Variants in NRXN3 observed in about 807,000 individuals in gnomAD.
NRXN3 encodes neurexin III.
Under a neutral mutation model 137.6 loss-of-function variants are expected in NRXN3, and 32 were observed. The ratio of observed to expected loss-of-function variants is 0.23; its 90% CI spans 0.18 to 0.31. NRXN3 has a LOEUF of 0.31. NRXN3 is among the 10% of genes least tolerant of loss of function. The probability of loss-of-function intolerance (pLI) is 1.00; values close to 1 mark genes in which losing one functional copy is unlikely to be tolerated. For synonymous variants in NRXN3, 798 were observed against 784.5 expected, an observed-to-expected ratio of 1.02 and a Z score of -0.29; for missense variants, 1,574 against 2,062.5, an observed-to-expected ratio of 0.76 and a Z score of 4.59.
chr14:78,841,530 A>T (rs1425537639), intron 10 of NRXN3, among the ~76,000 whole-genome samples: 1 of 152,000 alleles, frequency 6.6e-6, no homozygotes, highest in Non-Finnish European at 1.5e-5. Context: ...AAACTCAGAT[A>T]CTTTTCTCAA....
At chr14:78,910,887 G>A (rs1218374375) in intron 10 of NRXN3, among the ~76,000 whole-genome samples, 1 of 152,090 alleles carries the variant, frequency 6.6e-6, no homozygotes, top group Non-Finnish European at 1.5e-5. Context: ...CAGATGTTCA[G>A]ATGACTTTTT....
intron 10 of NRXN3, among the ~76,000 whole-genome samples, chr14:78,949,795 T>A (rs116067972): frequency 0.015 from 2,341 of 152,236 alleles, 66 homozygotes; most frequent in African/African-American, 0.054. Flanking sequence ...GATTCCTATT[T>A]AAAGCAAAAT....
intron 15 of NRXN3, among the ~76,000 whole-genome samples, chr14:79,274,905 A>G (rs2153431838): frequency 6.6e-6 from 1 of 152,360 alleles, no homozygotes; most frequent in South Asian, 2.1e-4. Context: ...GAAGCAGTAT[A>G]TACATTCTCT....
At position 79,094,979 on chromosome 14, in the gene NRXN3, A is replaced by AGAGAGAGAGTGTGTGTGTGT. The variant is rs553957969; in HGVS notation, c.3262+106839_3262+106840insAGAGAGAGTGTGTGTGTGTG. Among the ~76,000 whole-genome samples, 6 of 115,928 alleles carry AGAGAGAGAGTGTGTGTGTGT rather than the reference A, an allele frequency of 5.2e-5. 1 individual carries two copies. The highest frequency in any genetic ancestry group is 1.6e-4 in the African/African-American group (5 of 31,160). The allele number at this position is 115,928 out of a possible 152,430, so 76.1% of individuals were successfully genotyped here. A position where few individuals can be genotyped will look rare whatever the true frequency, so the allele number is the denominator to read the frequency against. On this transcript the variant is annotated intron_variant, in intron 15 of 20. Coordinates refer to ENST00000335750, the MANE Select transcript of NRXN3 (RefSeq NM_001330195.2). The stretch of plus-strand genomic sequence containing the variant: ...GAGAGAGAGAGAGAGAGAGAGAGAG[A>AGAGAGAGAGTGTGTGTGTGT]GTGTGTGTGTGTGTGTGTGTGTGTG...
intron 15 of NRXN3, among the ~76,000 whole-genome samples, chr14:79,290,697 G>C (rs893976691): frequency 1.3e-5 from 2 of 151,722 alleles, no homozygotes; most frequent in African/African-American, 2.4e-5. Flanking sequence ...CCACCACGCT[G>C]GTTGAAAATT....
At chr14:78,283,757 C>T (rs979550160) in intron 3 of NRXN3, among the ~76,000 whole-genome samples, 1 of 152,190 alleles carries the variant, frequency 6.6e-6, no homozygotes, top group African/African-American at 2.4e-5. Flanking sequence ...GATCCACCTG[C>T]CTCAGCCTCC....
rs569595561 is a variant in NRXN3, at chr14:79,568,868, G to A, written c.3445-94910G>A. Among the ~76,000 whole-genome samples, 319 of 152,286 alleles carry A rather than the reference G, an allele frequency of 2.1e-3. 9 individuals carry two copies. Among genetic ancestry groups the A allele is most frequent in the Middle Eastern group, 0.014 (4 of 294 alleles). ...GAAATGAGGAGTAACAGTAACAGAA[G>A]AACATTGGCTAATAATTGTGCTCTG... On this transcript the variant is annotated intron_variant, in intron 16 of 20. Transcript: ENST00000335750.
intron 15 of NRXN3, among the ~76,000 whole-genome samples, chr14:79,396,851 G>A (rs1288209402): frequency 6.6e-6 from 1 of 152,084 alleles, no homozygotes; most frequent in Non-Finnish European, 1.5e-5. Context: ...GGAAATCTTG[G>A]AGAGAAAATA....
chr14:78,818,689 T>C (rs1938505261), intron 10 of NRXN3, among the ~76,000 whole-genome samples: 1 of 152,198 alleles, frequency 6.6e-6, no homozygotes. Context: ...TTCTTCCTCA[T>C]TCACTTATTC....
chr14:78,328,508 T>C (rs2080389401), intron 4 of NRXN3, among the ~76,000 whole-genome samples: 1 of 152,178 alleles, frequency 6.6e-6, no homozygotes, highest in Admixed American at 6.5e-5. Flanking sequence ...AAACAAGAGC[T>C]TGTCTCTGGG....
chr14:78,483,668 A>C (rs999842147), intron 4 of NRXN3, among the ~76,000 whole-genome samples: 1 of 152,226 alleles, frequency 6.6e-6, no homozygotes, highest in African/African-American at 2.4e-5. Context: ...CATAGAGAAA[A>C]AAATAAAATT....
chr14:78,498,735 G>T (rs2095831577), intron 4 of NRXN3, among the ~76,000 whole-genome samples: 1 of 152,124 alleles, frequency 6.6e-6, no homozygotes, highest in African/African-American at 2.4e-5. Context: ...AAGCACGTGA[G>T]AAGTAAATAT....
At chr14:78,689,379 G>A (rs529403831) in intron 6 of NRXN3, among the ~76,000 whole-genome samples, 1 of 152,180 alleles carries the variant, frequency 6.6e-6, no homozygotes, top group African/African-American at 2.4e-5. Flanking sequence ...CTACTGAGGG[G>A]CATTCATTTT....
intron 10 of NRXN3, among the ~76,000 whole-genome samples, chr14:78,899,255 G>A (rs1435549196): frequency 6.6e-6 from 1 of 151,868 alleles, no homozygotes; most frequent in Non-Finnish European, 1.5e-5. Flanking sequence ...ACTTCACAAG[G>A]GTTTGCCCTC....
intron 4 of NRXN3, among the ~76,000 whole-genome samples, chr14:78,488,752 A>G (rs2095610389): frequency 6.8e-6 from 1 of 146,308 alleles, no homozygotes; most frequent in Non-Finnish European, 1.5e-5. Flanking sequence ...GGAGAAAGAA[A>G]GGAGGAGGAG....
chr14:78,184,229 C>T (rs2060044487), intron 1 of NRXN3, among the ~76,000 whole-genome samples: 1 of 152,232 alleles, frequency 6.6e-6, no homozygotes, highest in Non-Finnish European at 1.5e-5. Flanking sequence ...AGTTCATTCA[C>T]TCATTTAACA....
intron 15 of NRXN3, among the ~76,000 whole-genome samples, chr14:79,034,766 A>C (rs1252980062): frequency 6.6e-6 from 1 of 152,144 alleles, no homozygotes; most frequent in Non-Finnish European, 1.5e-5. Flanking sequence ...CAGATGTATT[A>C]AAAATTGTAC....
chr14:79,703,861 A>ATAAC (rs1374669523), intron 19 of NRXN3, among the ~76,000 whole-genome samples: 1 of 152,132 alleles, frequency 6.6e-6, no homozygotes, highest in East Asian at 1.9e-4. Flanking sequence ...AAAGCACCCC[A>ATAAC]TAACTTTTCA....
chr14:78,864,939 G>A (rs2099082770), intron 10 of NRXN3, among the ~76,000 whole-genome samples: 2 of 152,254 alleles, frequency 1.3e-5, no homozygotes, highest in East Asian at 1.9e-4. Context: ...TTAGATGAAA[G>A]TCAGAGGATT....
Sources: gnomAD v4.1 joint callset for allele counts (sites outside exome capture counted in the v4.1 genomes callset) on GRCh38, gnomAD v4.1.1 for gene constraint, MANE v1.5 for transcripts, NCBI Gene and HGNC (gene_info 2026-07-23, HGNC 2026-07-21) for gene names.